JAZF1: variants seen among roughly 807,000 people sequenced by gnomAD.
The protein encoded by JAZF1 is juxtaposed with another zinc finger protein 1.
A neutral mutation model predicts 26.4 loss-of-function variants in JAZF1; 8 were observed. The observed-to-expected ratio is 0.30, with a 90% CI of 0.18 to 0.55. The LOEUF (loss-of-function observed/expected upper bound fraction) is 0.55, where lower values mean the gene tolerates loss of function less well. JAZF1 is among the 20% of genes least tolerant of loss of function. The probability of loss-of-function intolerance (pLI) is 0.94; values close to 1 mark genes in which losing one functional copy is unlikely to be tolerated. For synonymous variants in JAZF1, 126 were observed against 122.3 expected, an observed-to-expected ratio of 1.03 and a Z score of -0.20; for missense variants, 199 against 322.0, an observed-to-expected ratio of 0.62 and a Z score of 2.92.
rs371479197 is a variant in JAZF1 at position 27,832,801 on chromosome 7, T to C, written c.731A>G (p.Ter244=). 1.3e-6 allele frequency: 2 copies of C among 1,571,654 alleles called. No individual in the cohort carries two copies. Among genetic ancestry groups the C allele is most frequent in the Admixed American group, 1.8e-5 (1 of 54,724 alleles). ...SAEIIRKMQQ[*] is the part of the protein sequence containing the mutation. ...CTTGGCACAGTTATGACCAGCATGT[T>C]ATTGCTGCATCTTCCTGATAATCTC... Residue 244 remains the stop codon, a stop_retained_variant, in exon 5 of 5, where the codon TAA becomes TGA. Transcript: ENST00000283928.
chr7:27,935,890 G>T (rs1198377309), intron 2 of JAZF1, among the ~76,000 whole-genome samples: 3 of 152,080 alleles, frequency 2.0e-5, no homozygotes, highest in Non-Finnish European at 4.4e-5. Flanking sequence ...AGCAGAAGTG[G>T]GACCAGGAGC....
intron 1 of JAZF1, among the ~76,000 whole-genome samples, chr7:28,009,673 C>A (rs929536119): frequency 6.6e-6 from 1 of 152,046 alleles, no homozygotes. Context: ...TTAGTAGAGA[C>A]GGGGTTTCAC....
chr7:27,997,075 A>G (rs1267163714), intron 1 of JAZF1, among the ~76,000 whole-genome samples: 1 of 152,170 alleles, frequency 6.6e-6, no homozygotes, highest in Non-Finnish European at 1.5e-5. Flanking sequence ...TGGAAAATGG[A>G]AAACCCATAC....
chr7:27,990,547 T>C (rs1785879294), intron 2 of JAZF1, among the ~76,000 whole-genome samples: 1 of 152,192 alleles, frequency 6.6e-6, no homozygotes, highest in African/African-American at 2.4e-5. Context: ...GAATATGGCT[T>C]AGTATTACAC....
intron 2 of JAZF1, among the ~76,000 whole-genome samples, chr7:27,939,764 AACAC>A (rs1449122797): frequency 2.6e-5 from 4 of 152,146 alleles, no homozygotes; most frequent in Non-Finnish European, 5.9e-5. Flanking sequence ...CTGGTTTTAT[AACAC>A]ACTCACTCAT....
chr7:27,983,134 T>A (rs1785622447), intron 2 of JAZF1, among the ~76,000 whole-genome samples: 1 of 152,000 alleles, frequency 6.6e-6, no homozygotes, highest in African/African-American at 2.4e-5. Flanking sequence ...AGATGACCGG[T>A]AATAACAAAC....
At chr7:27,972,840 G>GATATAT (rs147011744) in intron 2 of JAZF1, among the ~76,000 whole-genome samples, 32 of 149,090 alleles carry the variant, frequency 2.1e-4, no homozygotes, top group South Asian at 1.9e-3. Context: ...TGGGGGGAAT[G>GATATAT]ATATATATAT....
chr7:28,019,301 C>G (rs1172522091), intron 1 of JAZF1, among the ~76,000 whole-genome samples: 2 of 152,164 alleles, frequency 1.3e-5, no homozygotes, highest in Non-Finnish European at 2.9e-5. Context: ...ACCAGACCAC[C>G]TAAAGAGAGG....
intron 1 of JAZF1, among the ~76,000 whole-genome samples, chr7:28,079,221 G>A (rs1414790368): frequency 1.3e-5 from 2 of 152,086 alleles, no homozygotes; most frequent in African/African-American, 4.8e-5. Context: ...TTGAACTCCT[G>A]ACCTCAGGTG....
At chr7:27,989,409 C>T (rs1785845886) in intron 2 of JAZF1, among the ~76,000 whole-genome samples, 1 of 152,292 alleles carries the variant, frequency 6.6e-6, no homozygotes, top group African/African-American at 2.4e-5. Context: ...ACACCAAAAG[C>T]AATGGCAACA....
intron 3 of JAZF1, among the ~76,000 whole-genome samples, chr7:27,846,716 C>T (rs1193709484): frequency 6.6e-6 from 1 of 152,144 alleles, no homozygotes; most frequent in African/African-American, 2.4e-5. Flanking sequence ...TAGTGATGCG[C>T]ACCTTTTCAT....
chr7:28,038,980 A>G (rs2128376705), intron 1 of JAZF1, among the ~76,000 whole-genome samples: 1 of 152,310 alleles, frequency 6.6e-6, no homozygotes, highest in Admixed American at 6.5e-5. Context: ...ATTATCTTTT[A>G]TCTCTACAAC....
At chr7:27,917,404 G>A (rs2128347016) in intron 2 of JAZF1, among the ~76,000 whole-genome samples, 1 of 152,308 alleles carries the variant, frequency 6.6e-6, no homozygotes, top group South Asian at 2.1e-4. Flanking sequence ...TCACTGGCAT[G>A]AGGAACCAAC....
At chr7:28,001,342 AC>A (rs1786155748) in intron 1 of JAZF1, among the ~76,000 whole-genome samples, 1 of 151,632 alleles carries the variant, frequency 6.6e-6, no homozygotes, top group African/African-American at 2.4e-5. Context: ...ACAGAGTGAG[AC>A]CCTGTCTCAA....
chr7:28,122,964 T>C (rs1268077066), intron 1 of JAZF1, among the ~76,000 whole-genome samples: 1 of 152,144 alleles, frequency 6.6e-6, no homozygotes, highest in African/African-American at 2.4e-5. Context: ...TATCTAAAGA[T>C]GCCTCTCCCT....
In JAZF1 at chr7:27,840,635, T is replaced by C; in HGVS notation, c.555+63A>G. 6.5e-7 allele frequency: 1 copy of C among 1,533,526 alleles called. No homozygotes were observed. The highest frequency in any genetic ancestry group is 9.0e-7 in the Non-Finnish European group (1 of 1,116,678). The allele number at this position is 1,533,526 out of a possible 1,614,324, so 95.0% of individuals were successfully genotyped here. On this transcript the variant is annotated intron_variant, in intron 4 of 4. Coordinates refer to ENST00000283928, the MANE Select transcript of JAZF1 (RefSeq NM_175061.4). This position sits in a 1 kb window ranked among gnomAD's most constrained non-coding sequence, Gnocchi z 5.1. ...CGCTTTAAAATCAAGAAAGGGCTGC[T>C]GCCTTCCATGAAGCTTGCCCTGTTT... is the stretch of plus-strand genomic sequence containing the variant.
chr7:28,034,340 A>G (rs1213968116), intron 1 of JAZF1, among the ~76,000 whole-genome samples: 1 of 152,082 alleles, frequency 6.6e-6, no homozygotes, highest in Non-Finnish European at 1.5e-5. Flanking sequence ...TGGGGGCCCC[A>G]CTGCTTTTAA....
At chr7:27,941,205 A>T (rs151231449) in intron 2 of JAZF1, among the ~76,000 whole-genome samples, 1 of 152,378 alleles carries the variant, frequency 6.6e-6, no homozygotes, top group East Asian at 1.9e-4. Context: ...TATTTTTGGC[A>T]ATCAATTAGG....
At chr7:28,084,399 T>TGGCTATTCACC (rs1422281177) in intron 1 of JAZF1, among the ~76,000 whole-genome samples, 1 of 152,182 alleles carries the variant, frequency 6.6e-6, no homozygotes, top group Non-Finnish European at 1.5e-5. Context: ...TGAAAACTCT[T>TGGCTATTCACC]AAGCTATTCA....
Sources: allele counts gnomAD v4.1 joint callset (sites outside exome capture counted in the v4.1 genomes callset), GRCh38; gene constraint gnomAD v4.1.1; non-coding constraint Gnocchi (gnomAD v3.1); transcripts MANE v1.5; gene names NCBI Gene and HGNC (gene_info 2026-07-23, HGNC 2026-07-21).